Variants in RAB6B observed in about 807,000 individuals in gnomAD.
The protein encoded by RAB6B is ras-related protein Rab-6B.
A neutral mutation model predicts 31.2 loss-of-function variants in RAB6B; 7 were observed. The observed-to-expected ratio is 0.22, with a 90% CI of 0.13 to 0.42. RAB6B has a LOEUF of 0.42. Ranked by LOEUF, RAB6B falls within the 10% of genes least tolerant of loss-of-function variation. RAB6B has a pLI of 1.00. For synonymous variants in RAB6B, 105 were observed against 104.9 expected, an observed-to-expected ratio of 1.00 and a Z score of -0.01; for missense variants, 149 against 280.6, an observed-to-expected ratio of 0.53 and a Z score of 3.35.
intron 5 of RAB6B, among the ~76,000 whole-genome samples, 188 bp downstream of exon 5, chr3:133,839,318 A>G (rs938143493): frequency 6.6e-6 from 1 of 152,222 alleles, no homozygotes; most frequent in Non-Finnish European, 1.5e-5. Context: ...ACAGGGCTTC[A>G]CAGATGAGAT....
intron 2 of RAB6B, 47 bp downstream of exon 2, chr3:133,864,537 G>A: frequency 6.3e-7 from 1 of 1,581,364 alleles, no homozygotes. Flanking sequence ...TCAAAGAGAG[G>A]TCAGCCACTG....
At chr3:133,836,294 A>G (rs1047201744) in intron 6 of RAB6B, among the ~76,000 whole-genome samples, 1 of 152,148 alleles carries the variant, frequency 6.6e-6, no homozygotes, top group African/African-American at 2.4e-5. Flanking sequence ...GCTTTCCTTC[A>G]TGGCATTGGC....
Position 133,826,846 on chromosome 3 carries a change from T to C in RAB6B, c.*1942A>G, listed in dbSNP as rs1264767025. 1 of 152,674 alleles carries C rather than the reference T, an allele frequency of 6.5e-6. No homozygotes were observed. The highest frequency in any genetic ancestry group is 1.5e-5 in the Non-Finnish European group (1 of 68,050). The allele number at this position is 152,674 out of a possible 1,614,324, so 9.5% of individuals were successfully genotyped here. On this transcript the variant is annotated 3_prime_UTR_variant, in exon 8 of 8. Coordinates refer to ENST00000285208, the MANE Select transcript of RAB6B (RefSeq NM_016577.4). Reference sequence around the variant, plus strand: ...AACTTATCACAATGCAAGTTCCAACTTGAGAGCAGGAGAAACAAGAATATA... The same window carrying C: ...AACTTATCACAATGCAAGTTCCAACCTGAGAGCAGGAGAAACAAGAATATA...
rs1034474665 is a variant in RAB6B at position 133,862,499 on chromosome 3, G to T, written c.129+2085C>A. Among the ~76,000 whole-genome samples the T allele has an allele frequency of 2.6e-5, 4 of 152,206 alleles. No homozygotes were observed. In the South Asian group the frequency reaches 8.3e-4, roughly 32 times the overall value. ...AGGGGACAGAGGATGAAAGGGCCTCGCTGCTCAGACCAAACATGTGCTCTG... is the reference window on the plus strand; with the variant it reads ...AGGGGACAGAGGATGAAAGGGCCTCTCTGCTCAGACCAAACATGTGCTCTG... On this transcript the variant is annotated intron_variant, in intron 2 of 7. Transcript: ENST00000285208.
chr3:133,891,823 CA>C (rs1261950357), intron 1 of RAB6B, among the ~76,000 whole-genome samples: 1 of 152,166 alleles, frequency 6.6e-6, no homozygotes, highest in African/African-American at 2.4e-5. Context: ...AGCACAATAC[CA>C]GGGGCAGGGC....
chr3:133,887,516 G>C (rs1223850753), intron 1 of RAB6B, among the ~76,000 whole-genome samples: 1 of 152,206 alleles, frequency 6.6e-6, no homozygotes, highest in Non-Finnish European at 1.5e-5. Flanking sequence ...CAGCATGCTT[G>C]TCTCCAGGCT....
At chr3:133,831,523 C>T (rs1349345341) in intron 7 of RAB6B, among the ~76,000 whole-genome samples, 2 of 152,226 alleles carry the variant, frequency 1.3e-5, no homozygotes, top group East Asian at 1.9e-4. Flanking sequence ...ACAGGCCCAG[C>T]TCTTCCGCTA....
intron 1 of RAB6B, among the ~76,000 whole-genome samples, chr3:133,876,151 A>G (rs1336049237): frequency 6.6e-6 from 1 of 152,168 alleles, no homozygotes; most frequent in Admixed American, 6.5e-5. Context: ...TTGTAGGCAA[A>G]TAACTGAGGC....
chr3:133,887,897 G>A (rs1936571551), intron 1 of RAB6B, among the ~76,000 whole-genome samples: 1 of 152,178 alleles, frequency 6.6e-6, no homozygotes, highest in African/African-American at 2.4e-5. Flanking sequence ...TGCCCCCATA[G>A]GCTCTATCAA....
Position 133,838,188 on chromosome 3 carries a change from T to C in RAB6B, c.473A>G (p.Lys158Arg). The C allele has an allele frequency of 1.9e-6, 3 of 1,614,188 alleles. No homozygotes were observed. The highest frequency in any genetic ancestry group is 2.5e-6 in the Non-Finnish European group (3 of 1,180,008). The stretch of plus-strand genomic sequence containing the variant: ...CACCTGCTTCACGTTGTAGCCAGTC[T>C]TCGCACTGGTCTCAATGAACATGAC... ...LSVMFIETSAKTGYNVKQLFR... is the reference protein window; with the variant it reads ...LSVMFIETSARTGYNVKQLFR... The change falls in exon 6 of 8, where the codon AAG becomes AGG. Residue 158 changes from lysine to arginine, a missense_variant. Coordinates refer to ENST00000285208, the MANE Select transcript of RAB6B (RefSeq NM_016577.4).
intron 2 of RAB6B, among the ~76,000 whole-genome samples, chr3:133,848,745 A>C (rs1935938223): frequency 6.6e-6 from 1 of 151,572 alleles, no homozygotes; most frequent in South Asian, 2.1e-4. Context: ...CACCTCTTAA[A>C]GGCTCCACTT....
At chr3:133,834,541 A>G in intron 7 of RAB6B, 34 bp downstream of exon 7, 1 of 1,582,794 alleles carries the variant, frequency 6.3e-7, no homozygotes, top group Non-Finnish European at 8.7e-7. Flanking sequence ...GCTTCTATAC[A>G]TCTTTTCACT....
chr3:133,884,886 CA>C (rs1936519506), intron 1 of RAB6B, among the ~76,000 whole-genome samples: 1 of 115,462 alleles, frequency 8.7e-6, no homozygotes, highest in Non-Finnish European at 1.6e-5. Flanking sequence ...ATTCACACAC[CA>C]AATAATCAGA....
intron 1 of RAB6B, among the ~76,000 whole-genome samples, chr3:133,890,990 G>A (rs1400831461): frequency 2.6e-5 from 4 of 152,202 alleles, no homozygotes; most frequent in Admixed American, 6.5e-5. Flanking sequence ...AGCAGGAGTG[G>A]AAGTGAGCAC....
At chr3:133,887,983 G>C (rs1936574791) in intron 1 of RAB6B, among the ~76,000 whole-genome samples, 1 of 152,158 alleles carries the variant, frequency 6.6e-6, no homozygotes, top group Admixed American at 6.5e-5. Flanking sequence ...CCCACACGGA[G>C]ACCCTGCTTC....
At chr3:133,866,249 G>A (rs143846289) in intron 1 of RAB6B, among the ~76,000 whole-genome samples, 60 of 152,270 alleles carry the variant, frequency 3.9e-4, no homozygotes, top group South Asian at 2.9e-3. Context: ...AACTCTGGGC[G>A]GCACTCAAGT....
intron 2 of RAB6B, among the ~76,000 whole-genome samples, chr3:133,859,792 G>A (rs530502336): frequency 6.6e-6 from 1 of 152,362 alleles, no homozygotes; most frequent in African/African-American, 2.4e-5. Context: ...GATCACTGGG[G>A]AGGGGCAGGT....
intron 2 of RAB6B, among the ~76,000 whole-genome samples, chr3:133,850,390 G>A (rs1057493240): frequency 6.6e-6 from 1 of 152,192 alleles, no homozygotes; most frequent in African/African-American, 2.4e-5. Flanking sequence ...GTACCCAGAT[G>A]TTGAAAATAG....
chr3:133,828,847 C>T lies in RAB6B; in HGVS notation c.568G>A (p.Asp190Asn), dbSNP rs771114953. The T allele has an allele frequency of 1.5e-5, 24 of 1,612,082 alleles. No individual in the cohort carries two copies. The highest frequency in any genetic ancestry group is 2.2e-5 in the East Asian group (1 of 44,868). The stretch of plus-strand genomic sequence containing the variant: ...TCCTGGGGTTTGTCCAGCTTGATGT[C>T]GATCACTGCAGGGGGACGGGCTAAG... Reference protein sequence around the residue: ...VQEKSKEGMIDIKLDKPQEPP... With the variant: ...VQEKSKEGMINIKLDKPQEPP... The change falls in exon 8 of 8, where the codon GAC becomes AAC. Residue 190 changes from aspartate to asparagine, a missense_variant. This residue lies in a region of RAB6B where 74 missense variants were observed against 100.5 expected (regional missense o/e 0.74). Transcript: ENST00000285208.
Sources: allele counts gnomAD v4.1 joint callset (sites outside exome capture counted in the v4.1 genomes callset), GRCh38; gene constraint gnomAD v4.1.1; regional missense constraint gnomAD v4.1.1; transcripts MANE v1.5; gene names NCBI Gene and HGNC (gene_info 2026-07-23, HGNC 2026-07-21).